The following R3HDM1 variants were observed in gnomAD, a reference collection of about 807,000 sequenced individuals.
The protein encoded by R3HDM1 is R3H domain containing 1.
A neutral mutation model predicts 141.1 loss-of-function variants in R3HDM1; 46 were observed. That is an observed-to-expected ratio of 0.33 (90% CI 0.26 to 0.42). The LOEUF (loss-of-function observed/expected upper bound fraction) is 0.42. Among genes scored for constraint, R3HDM1 ranks in the 10% least tolerant of loss-of-function variants. The probability of loss-of-function intolerance (pLI) is 1.00; values close to 1 mark genes in which losing one functional copy is unlikely to be tolerated. For synonymous variants in R3HDM1, 435 were observed against 472.9 expected (o/e 0.92, Z 1.04); for missense variants, 1,184 against 1,368.3 (o/e 0.87, Z 2.12).
chr2:135,648,400 A>G (rs909665530), intron 16 of R3HDM1, among the ~76,000 whole-genome samples: 10 of 152,314 alleles, frequency 6.6e-5, no homozygotes, highest in South Asian at 2.1e-4. Flanking sequence ...GTTGACATAG[A>G]AGTTCTCTAT....
At chr2:135,545,521 G>A (rs1321895757) in intron 1 of R3HDM1, among the ~76,000 whole-genome samples, 1 of 152,176 alleles carries the variant, frequency 6.6e-6, no homozygotes, top group Non-Finnish European at 1.5e-5. Flanking sequence ...TATTTTGGAT[G>A]GAAGGAACAG....
At chr2:135,535,389 C>G (rs953201998) in intron 1 of R3HDM1, among the ~76,000 whole-genome samples, 1 of 151,864 alleles carries the variant, frequency 6.6e-6, no homozygotes, top group African/African-American at 2.4e-5. Flanking sequence ...GTCCCAGCTA[C>G]TCGGGAGGCT....
intron 18 of R3HDM1, among the ~76,000 whole-genome samples, chr2:135,657,410 CAAAA>C (rs11334528): frequency 1.4e-5 from 1 of 73,890 alleles, no homozygotes; most frequent in African/African-American, 4.5e-5. Flanking sequence ...TACTCTGTCT[CAAAA>C]AAAAAAAAAA....
At chr2:135,662,748 C>G (rs2066893326) in intron 19 of R3HDM1, among the ~76,000 whole-genome samples, 1 of 152,186 alleles carries the variant, frequency 6.6e-6, no homozygotes, top group African/African-American at 2.4e-5. Flanking sequence ...GGTTGTGGTA[C>G]TGCTCATTAG....
In R3HDM1 at chr2:135,631,747, A is replaced by G; in HGVS notation, c.527A>G (p.Gln176Arg). Residue 176 changes from glutamine (Q) to arginine (R), a missense_variant, in exon 8 of 27, where the codon CAA (glutamine) becomes CGA (arginine). By Grantham distance (43) the Gln-to-Arg change is conservative. Transcript: ENST00000683871. ...AGAATGATGCTGCTGAAATTGGAAC[A>G]AGAAATTTTAGATTTCATTGGTAAT... ...RDRMMLLKLEQEILDFIGNNE... is the reference protein window; with the variant it reads ...RDRMMLLKLEREILDFIGNNE... 3 of 1,571,418 alleles carry G rather than the reference A, an allele frequency of 1.9e-6. No individual in the cohort carries two copies. Among genetic ancestry groups the G allele is most frequent in the Non-Finnish European group, 2.6e-6 (3 of 1,164,070 alleles).
At chr2:135,595,854 C>A (rs1177020038) in intron 1 of R3HDM1, among the ~76,000 whole-genome samples, 4 of 152,294 alleles carry the variant, frequency 2.6e-5, no homozygotes, top group African/African-American at 9.6e-5. Flanking sequence ...AAACCCTAGT[C>A]ACTTTCCATC....
chr2:135,588,089 C>T (rs1028665163), intron 1 of R3HDM1, among the ~76,000 whole-genome samples: 2 of 151,742 alleles, frequency 1.3e-5, no homozygotes, highest in East Asian at 3.9e-4. Flanking sequence ...TTTTCTTTCT[C>T]TTTCTGTCTT....
intron 20 of R3HDM1, among the ~76,000 whole-genome samples, chr2:135,675,925 T>C (rs929540388): frequency 5.3e-5 from 8 of 152,188 alleles, no homozygotes; most frequent in African/African-American, 1.9e-4. Flanking sequence ...AGACCATGAA[T>C]CCGTAGTTGT....
chr2:135,556,331 A>G (rs1342068916), intron 1 of R3HDM1, among the ~76,000 whole-genome samples: 1 of 152,194 alleles, frequency 6.6e-6, no homozygotes, highest in Non-Finnish European at 1.5e-5. Flanking sequence ...TACAAAAGCC[A>G]TTTAATGGCT....
intron 1 of R3HDM1, among the ~76,000 whole-genome samples, chr2:135,574,586 G>A (rs960779198): frequency 1.7e-4 from 26 of 152,336 alleles, no homozygotes; most frequent in African/African-American, 6.0e-4. Context: ...TGATGCAGAA[G>A]TGCTAAATTA....
At chr2:135,654,269 C>G (rs1304221509) in intron 18 of R3HDM1, among the ~76,000 whole-genome samples, 1 of 151,784 alleles carries the variant, frequency 6.6e-6, no homozygotes, top group Non-Finnish European at 1.5e-5. Context: ...ATAATATTTT[C>G]AAAGTTGATC....
At chr2:135,542,268 A>G (rs1345584054) in intron 1 of R3HDM1, among the ~76,000 whole-genome samples, 1 of 152,202 alleles carries the variant, frequency 6.6e-6, no homozygotes, top group Non-Finnish European at 1.5e-5. Flanking sequence ...TAAGGGGGAA[A>G]AGTACCTATT....
intron 19 of R3HDM1, among the ~76,000 whole-genome samples, chr2:135,672,585 A>G (rs192934539): frequency 2.0e-5 from 3 of 152,278 alleles, no homozygotes; most frequent in Admixed American, 2.0e-4. Flanking sequence ...AATTTCAAAG[A>G]TAGGGACCAT....
intron 18 of R3HDM1, among the ~76,000 whole-genome samples, chr2:135,656,223 T>G (rs1559360118): frequency 1.3e-5 from 2 of 152,184 alleles, no homozygotes; most frequent in African/African-American, 2.4e-5. Flanking sequence ...TGAGTAACAT[T>G]TAAATGGTAG....
chr2:135,629,524 T>A (rs183477885), intron 7 of R3HDM1, among the ~76,000 whole-genome samples: 4 of 152,162 alleles, frequency 2.6e-5, no homozygotes, highest in African/African-American at 7.2e-5. Flanking sequence ...CCTTTCTATA[T>A]ACAAATAGTT....
intron 7 of R3HDM1, among the ~76,000 whole-genome samples, chr2:135,629,288 C>A (rs1401252089): frequency 1.3e-5 from 2 of 151,878 alleles, no homozygotes; most frequent in African/African-American, 4.8e-5. Context: ...TGCACTCCAG[C>A]CTGGGGGACA....
At chr2:135,638,701 C>T (rs758667403) in intron 12 of R3HDM1, 38 bp from the exon 13 acceptor site, 1 of 1,612,230 alleles carries the variant, frequency 6.2e-7, no homozygotes, top group Non-Finnish European at 8.5e-7. Flanking sequence ...CTGACTGATG[C>T]TAATAAAAAT....
At chr2:135,633,613 G>A in intron 9 of R3HDM1, 1 of 152,024 alleles carries the variant, frequency 6.6e-6, no homozygotes, top group Non-Finnish European at 1.5e-5. Flanking sequence ...TATATCTTCT[G>A]GGATATGAAG....
At chr2:135,553,364 AT>A (rs1700158944) in intron 1 of R3HDM1, among the ~76,000 whole-genome samples, 1 of 152,164 alleles carries the variant, frequency 6.6e-6, no homozygotes, top group South Asian at 2.1e-4. Flanking sequence ...GGATCACAAT[AT>A]GTTGTGGCAA....
Sources: gnomAD v4.1 joint callset for allele counts (sites outside exome capture counted in the v4.1 genomes callset) on GRCh38, gnomAD v4.1.1 for gene constraint, MANE v1.5 for transcripts, NCBI Gene and HGNC (gene_info 2026-07-23, HGNC 2026-07-21) for gene names.